Variants in CXCL13 observed in about 807,000 individuals in gnomAD.
The protein encoded by CXCL13 is C-X-C motif chemokine 13.
In CXCL13, 7 loss-of-function variants were observed where a neutral mutation model predicts 12.2. The observed-to-expected ratio is 0.57, with a 90% CI of 0.33 to 1.07. The LOEUF (loss-of-function observed/expected upper bound fraction) is 1.07, where lower values mean the gene tolerates loss of function less well. CXCL13 is among the 50% of genes least tolerant of loss of function. CXCL13 has a pLI of 0.04. For synonymous variants in CXCL13, 47 were observed against 42.4 expected (o/e 1.11, Z -0.42); for missense variants, 113 against 127.4 (o/e 0.89, Z 0.55).
At chr4:77,562,944 G>A (rs1725846954) in intron 1 of CXCL13, among the ~76,000 whole-genome samples, 1 of 152,170 alleles carries the variant, frequency 6.6e-6, no homozygotes, top group Admixed American at 6.5e-5. Flanking sequence ...CAGGCTGCCA[G>A]AGCCAGCAGT....
chr4:77,587,906 T>C (rs955101188), intron 1 of CXCL13, among the ~76,000 whole-genome samples: 4 of 152,230 alleles, frequency 2.6e-5, no homozygotes, highest in Non-Finnish European at 5.9e-5. Flanking sequence ...CTCCTGCTCC[T>C]GGCTGCAGAG....
intron 2 of CXCL13, among the ~76,000 whole-genome samples, chr4:77,609,768 A>T (rs1197777036): frequency 6.6e-6 from 1 of 152,222 alleles, no homozygotes; most frequent in Non-Finnish European, 1.5e-5. Flanking sequence ...GGCACTTGGT[A>T]ATCACTCAGG....
At chr4:77,580,308 C>CTATTTTTTTTT (rs1726291127) in intron 1 of CXCL13, among the ~76,000 whole-genome samples, 1 of 17,628 alleles carries the variant, frequency 5.7e-5, no homozygotes, top group Admixed American at 1.0e-3. Context: ...AGTTTTCTTT[C>CTATTTTTTTTT]TTTTTTTTTT....
intron 1 of CXCL13, among the ~76,000 whole-genome samples, chr4:77,556,808 C>T (rs751293956): frequency 3.3e-5 from 5 of 151,980 alleles, no homozygotes; most frequent in African/African-American, 9.7e-5. Flanking sequence ...CCCTGAAGTC[C>T]GGGGTTTATG....
chr4:77,538,468 G>T (rs1293470067), intron 1 of CXCL13, among the ~76,000 whole-genome samples: 1 of 143,798 alleles, frequency 7.0e-6, no homozygotes, highest in African/African-American at 2.6e-5. Context: ...TTCCAGGAAA[G>T]AAGAAATCAG....
At chr4:77,586,289 A>G (rs1726456527) in intron 1 of CXCL13, among the ~76,000 whole-genome samples, 1 of 151,930 alleles carries the variant, frequency 6.6e-6, no homozygotes, top group South Asian at 2.1e-4. Flanking sequence ...TCTCAAAGGG[A>G]CACAATGAAA....
intron 1 of CXCL13, among the ~76,000 whole-genome samples, chr4:77,589,460 G>T (rs1401219861): frequency 6.6e-6 from 1 of 151,930 alleles, no homozygotes; most frequent in Admixed American, 6.6e-5. Flanking sequence ...AGTGATGCTG[G>T]CATATTGTTA....
At chr4:77,513,285 G>C (rs1300296569) in intron 1 of CXCL13, among the ~76,000 whole-genome samples, 2 of 152,034 alleles carry the variant, frequency 1.3e-5, no homozygotes, top group African/African-American at 4.8e-5. Flanking sequence ...ATAATCCTTT[G>C]GGCATATACC....
chr4:77,578,701 C>T (rs564128923), intron 1 of CXCL13, among the ~76,000 whole-genome samples: 8 of 152,236 alleles, frequency 5.3e-5, no homozygotes, highest in Admixed American at 1.3e-4. Context: ...TAAGTTCAAC[C>T]CTACCCACCC....
At chr4:77,587,605 T>C (rs529179420) in intron 1 of CXCL13, among the ~76,000 whole-genome samples, 2 of 152,340 alleles carry the variant, frequency 1.3e-5, no homozygotes, top group Admixed American at 1.3e-4. Context: ...CCAGGTACAG[T>C]ACCAAATATT....
At chr4:77,566,052 CAA>C (rs1725918778) in intron 1 of CXCL13, among the ~76,000 whole-genome samples, 1 of 152,146 alleles carries the variant, frequency 6.6e-6, no homozygotes, top group Admixed American at 6.5e-5. Flanking sequence ...ACCTATGCGT[CAA>C]GTTTCATAGA....
chr4:77,517,037 T>C (rs1353474196), intron 1 of CXCL13, among the ~76,000 whole-genome samples: 2 of 152,196 alleles, frequency 1.3e-5, no homozygotes, highest in Non-Finnish European at 2.9e-5. Context: ...AAAGAACATC[T>C]TTATTTCTGC....
intron 1 of CXCL13, among the ~76,000 whole-genome samples, chr4:77,525,447 G>C (rs1724739249): frequency 6.6e-6 from 1 of 152,086 alleles, no homozygotes; most frequent in South Asian, 2.1e-4. Flanking sequence ...AGGTGAGAGT[G>C]GATGGGTAAA....
At chr4:77,551,137 T>A (rs1725506090) in intron 1 of CXCL13, among the ~76,000 whole-genome samples, 1 of 152,246 alleles carries the variant, frequency 6.6e-6, no homozygotes, top group African/African-American at 2.4e-5. Context: ...AAAGTTAACA[T>A]TGATATGTGA....
At chr4:77,554,215 G>C (rs1248510222) in intron 1 of CXCL13, among the ~76,000 whole-genome samples, 1 of 151,950 alleles carries the variant, frequency 6.6e-6, no homozygotes, top group South Asian at 2.1e-4. Context: ...TGCATGAGTA[G>C]TGAGATTATT....
intron 1 of CXCL13, among the ~76,000 whole-genome samples, chr4:77,528,964 A>G (rs1416157509): frequency 1.3e-5 from 2 of 152,200 alleles, no homozygotes; most frequent in African/African-American, 2.4e-5. Context: ...TATAAGGTGT[A>G]AGGAAGGGAT....
At chr4:77,550,935 A>G (rs190768379) in intron 1 of CXCL13, among the ~76,000 whole-genome samples, 204 of 152,298 alleles carry the variant, frequency 1.3e-3, no homozygotes, top group African/African-American at 4.6e-3. Context: ...ATTATCTAAT[A>G]TAAGAATAGT....
At chr4:77,588,021 T>C (rs1316885062) in intron 1 of CXCL13, among the ~76,000 whole-genome samples, 1 of 152,214 alleles carries the variant, frequency 6.6e-6, no homozygotes, top group Non-Finnish European at 1.5e-5. Context: ...CTCAGCCTCA[T>C]CCACACTCTT....
At chr4:77,564,295 A>G (rs1364233373) in intron 1 of CXCL13, among the ~76,000 whole-genome samples, 1 of 152,194 alleles carries the variant, frequency 6.6e-6, no homozygotes, top group Non-Finnish European at 1.5e-5. Flanking sequence ...GTGGGAGGAA[A>G]GCCGTGGTAT....
Sources: allele counts gnomAD v4.1 joint callset (sites outside exome capture counted in the v4.1 genomes callset), GRCh38; gene constraint gnomAD v4.1.1; transcripts MANE v1.5; gene names NCBI Gene and HGNC (gene_info 2026-07-23, HGNC 2026-07-21).